The following MIER1 variants were observed in gnomAD, a reference collection of about 807,000 sequenced individuals.
MIER1 encodes MIER1 transcriptional regulator, also known as mesoderm induction early response protein 1.
In MIER1, 40 loss-of-function variants were observed where a neutral mutation model predicts 75.7. The observed-to-expected ratio is 0.53, with a 90% CI of 0.41 to 0.69. The LOEUF is 0.69. Among genes scored for constraint, MIER1 ranks in the 30% least tolerant of loss-of-function variants. The pLI, the probability that MIER1 is intolerant of heterozygous loss-of-function variation, is 0.00. For synonymous variants in MIER1, 213 were observed against 223.4 expected, an observed-to-expected ratio of 0.95 and a Z score of 0.42; for missense variants, 574 against 680.2, an observed-to-expected ratio of 0.84 and a Z score of 1.74.
intron 13 of MIER1, 50 bp downstream of exon 13, chr1:66,981,968 C>T: frequency 6.3e-7 from 1 of 1,584,766 alleles, no homozygotes; most frequent in Non-Finnish European, 8.6e-7. Context: ...GGGACACTTT[C>T]TTGCAGTGAC....
intron 8 of MIER1, among the ~76,000 whole-genome samples, chr1:66,965,302 A>G (rs1402242756): frequency 6.6e-6 from 1 of 152,168 alleles, no homozygotes; most frequent in African/African-American, 2.4e-5. Flanking sequence ...TTCTGCAAAT[A>G]AATGAACTGA....
rs1666924724 is a variant in MIER1, at chr1:66,987,464, A to G, written c.*2564A>G. ...TTTCTGTTTCATGATGTATTTTCAA[A>G]TAGAGTTCAGGATCTGCAATTCAGT... On this transcript the variant is annotated 3_prime_UTR_variant, in exon 14 of 14. Transcript: ENST00000401041. The G allele has an allele frequency of 6.5e-6, 1 of 152,698 alleles. No homozygotes were observed. The highest frequency in any genetic ancestry group is 2.4e-5 in the African/African-American group (1 of 41,454). 9.5% of individuals were successfully genotyped at this position (152,698 alleles called of 1,614,324 possible).
intron 1 of MIER1, 80 bp downstream of exon 1, chr1:66,925,175 C>G: frequency 6.7e-7 from 1 of 1,483,528 alleles, no homozygotes; most frequent in Non-Finnish European, 8.9e-7. Flanking sequence ...CCTCAGTCCC[C>G]TTTCTCTCCT....
At chr1:66,962,991 A>G (rs1661563232) in intron 7 of MIER1, 97 bp from the exon 8 acceptor site, 3 of 786,840 alleles carry the variant, frequency 3.8e-6, no homozygotes, top group Admixed American at 4.9e-5. Context: ...TTTATGACAG[A>G]GAAACCAGGA....
At chr1:66,931,653 G>A (rs1653402341) in intron 2 of MIER1, among the ~76,000 whole-genome samples, 1 of 152,012 alleles carries the variant, frequency 6.6e-6, no homozygotes, top group Non-Finnish European at 1.5e-5. Context: ...TTTGCTCTTG[G>A]TGGTTAAAGA....
chr1:66,925,262 T>C (rs1651253912), intron 1 of MIER1, 167 bp downstream of exon 1: 1 of 983,758 alleles, frequency 1.0e-6, no homozygotes, highest in South Asian at 4.7e-5. Flanking sequence ...CGCGCCTGGC[T>C]TGCTCTCCGC....
chr1:66,937,731 GATC>G (rs1036923796), intron 2 of MIER1, among the ~76,000 whole-genome samples: 1 of 152,124 alleles, frequency 6.6e-6, no homozygotes, highest in Admixed American at 6.5e-5. Flanking sequence ...TATTTTGAAA[GATC>G]ATCATTTTTG....
chr1:66,943,761 T>A, intron 3 of MIER1, among the ~76,000 whole-genome samples: 1 of 152,198 alleles, frequency 6.6e-6, no homozygotes, highest in East Asian at 1.9e-4. Context: ...GGCACAATGA[T>A]GTTAAGTGCT....
chr1:66,980,332 A>G (rs1346255908), intron 12 of MIER1, among the ~76,000 whole-genome samples: 1 of 152,224 alleles, frequency 6.6e-6, no homozygotes, highest in Non-Finnish European at 1.5e-5. Context: ...AATTCCCTTC[A>G]TTTATAGATG....
At chr1:66,934,405 C>CTTTTTTTTTTTTTT (rs34839262) in intron 2 of MIER1, among the ~76,000 whole-genome samples, 1 of 135,516 alleles carries the variant, frequency 7.4e-6, no homozygotes, top group Non-Finnish European at 1.6e-5. Context: ...TTCTTTCTTT[C>CTTTTTTTTTTTTTT]TTTTTTTTTT....
intron 4 of MIER1, chr1:66,946,652 A>G (rs748228041): frequency 2.4e-5 from 24 of 995,140 alleles, no homozygotes; most frequent in Non-Finnish European, 2.9e-5. Flanking sequence ...TTCAGAGCCA[A>G]AAATTCTTGA....
chr1:66,939,001 CT>C (rs979296287), intron 2 of MIER1, among the ~76,000 whole-genome samples: 3 of 152,068 alleles, frequency 2.0e-5, no homozygotes, highest in African/African-American at 7.2e-5. Flanking sequence ...GAATTTCCCT[CT>C]TTTCTGTTTT....
At chr1:66,925,218 G>A in intron 1 of MIER1, 123 bp downstream of exon 1, 1 of 1,387,192 alleles carries the variant, frequency 7.2e-7, no homozygotes, top group Non-Finnish European at 9.3e-7. Flanking sequence ...CCGCCCGGAA[G>A]ACCCTTAACT....
At chr1:66,925,299 T>G (rs778970134) in intron 1 of MIER1, 1 of 985,028 alleles carries the variant, frequency 1.0e-6, no homozygotes, top group African/African-American at 1.7e-5. Context: ...ATGCGCAGCT[T>G]CCTCCCTCTG....
At chr1:66,953,496 G>T (rs1375240047) in intron 4 of MIER1, among the ~76,000 whole-genome samples, 1 of 151,568 alleles carries the variant, frequency 6.6e-6, no homozygotes, top group Non-Finnish European at 1.5e-5. Flanking sequence ...TGGTGGTGAT[G>T]ATTTTTTCTT....
intron 10 of MIER1, among the ~76,000 whole-genome samples, 168 bp from the exon 11 acceptor site, chr1:66,972,729 T>A (rs1227355268): frequency 6.6e-6 from 1 of 152,036 alleles, no homozygotes; most frequent in South Asian, 2.1e-4. Context: ...AAAATCTTAT[T>A]AAATAAGGAA....
In MIER1 at chr1:66,946,468, AAC is replaced by A. The variant is rs1657666199; in HGVS notation, c.339+175_339+176del. 7 of 1,345,972 alleles carry A rather than the reference AAC, an allele frequency of 5.2e-6. No individual in the cohort carries two copies. In the South Asian group the frequency reaches 1.4e-4, roughly 27 times the overall value. The allele number at this position is 1,345,972 out of a possible 1,614,324, so 83.4% of individuals were successfully genotyped here. ...AAAGTTTGAAATGAAAGGATTTAAA[AAC>A]AATAACTTTATTATGTGCAATAACA... is the stretch of plus-strand genomic sequence containing the variant. On this transcript the variant is annotated intron_variant, in intron 4 of 13. Coordinates refer to ENST00000401041, the MANE Select transcript of MIER1 (RefSeq NM_001077700.3).
chr1:66,977,974 G>A (rs1020647301), intron 12 of MIER1, among the ~76,000 whole-genome samples: 6 of 151,982 alleles, frequency 3.9e-5, no homozygotes, highest in Non-Finnish European at 8.8e-5. Flanking sequence ...TGAGGCGGGT[G>A]GATCACAAGG....
intron 12 of MIER1, among the ~76,000 whole-genome samples, chr1:66,981,065 T>TATA (rs2102054931): frequency 6.9e-6 from 1 of 143,986 alleles, no homozygotes. Flanking sequence ...TATGTACATA[T>TATA]ATAATACAAT....
Sources: gnomAD v4.1 joint callset for allele counts (sites outside exome capture counted in the v4.1 genomes callset) on GRCh38, gnomAD v4.1.1 for gene constraint, MANE v1.5 for transcripts, NCBI Gene and HGNC (gene_info 2026-07-23, HGNC 2026-07-21) for gene names.